ANKRD12: variants seen among roughly 807,000 people sequenced by gnomAD.
ANKRD12 encodes the protein ankyrin repeat domain 12.
ANKRD12 carries 85 observed loss-of-function variants against 183.4 expected under a neutral mutation model. The observed-to-expected ratio is 0.46, with a 90% CI of 0.39 to 0.56. ANKRD12 has a LOEUF of 0.56. ANKRD12 is among the 20% of genes least tolerant of loss of function. ANKRD12 has a pLI of 0.00. For synonymous variants in ANKRD12, 914 were observed against 800.2 expected, an observed-to-expected ratio of 1.14 and a Z score of -2.40; for missense variants, 2,405 against 2,357.1, an observed-to-expected ratio of 1.02 and a Z score of -0.42.
chr18:9,147,646 G>A (rs1245142326), intron 1 of ANKRD12, among the ~76,000 whole-genome samples: 1 of 152,116 alleles, frequency 6.6e-6, no homozygotes, highest in African/African-American at 2.4e-5. Context: ...AGAGCAGTGT[G>A]ACTAGAGGAG....
chr18:9,169,528 T>G (rs1231632061), intron 1 of ANKRD12, among the ~76,000 whole-genome samples: 1 of 152,230 alleles, frequency 6.6e-6, no homozygotes, highest in African/African-American at 2.4e-5. Context: ...GAGACTAGGA[T>G]TGCAACCCCT....
Position 9,246,651 on chromosome 18 carries a change from T to C in ANKRD12, c.944-7560T>C, listed in dbSNP as rs186543527. ...AAATAAGGGATTAGACTTTGGCCTT[T>C]TAAAATTGACGTATGTGCTTTATTG... On this transcript the variant is annotated intron_variant, in intron 8 of 12. Coordinates refer to ENST00000262126, the MANE Select transcript of ANKRD12 (RefSeq NM_015208.5). 2.6e-5 allele frequency among the ~76,000 whole-genome samples: 4 copies of C among 152,358 alleles called. No individual in the cohort carries two copies. In the East Asian group the frequency reaches 5.8e-4, roughly 22 times the overall value.
intron 1 of ANKRD12, among the ~76,000 whole-genome samples, chr18:9,168,820 A>C (rs2032367158): frequency 6.6e-6 from 1 of 151,452 alleles, no homozygotes; most frequent in Non-Finnish European, 1.5e-5. Flanking sequence ...TTAGGGTGTC[A>C]ATTTTAGATC....
chr18:9,249,417 A>G (rs1347735233), intron 8 of ANKRD12, among the ~76,000 whole-genome samples: 1 of 152,222 alleles, frequency 6.6e-6, no homozygotes, highest in African/African-American at 2.4e-5. Context: ...CTCATCTAGA[A>G]TACACAGAAT....
Position 9,177,511 on chromosome 18 carries a change from G to A in ANKRD12, c.-51-4871G>A, listed in dbSNP as rs118145581. Among the ~76,000 whole-genome samples, 49 of 152,280 alleles carry A rather than the reference G, an allele frequency of 3.2e-4. No individual in the cohort carries two copies. In the East Asian group the frequency reaches 9.1e-3, roughly 28 times the overall value. ...ATGTTTTGTTCTGTGCATAGAACAT[G>A]TAATGATCGAGTCAGATTATTTAGG... On this transcript the variant is annotated intron_variant, in intron 1 of 12. Coordinates refer to ENST00000262126, the MANE Select transcript of ANKRD12 (RefSeq NM_015208.5).
chr18:9,279,241 C>G (rs1339801633), intron 11 of ANKRD12, among the ~76,000 whole-genome samples: 1 of 152,114 alleles, frequency 6.6e-6, no homozygotes, highest in African/African-American at 2.4e-5. Context: ...ATTGGTTATA[C>G]AGTAATAATG....
chr18:9,173,652 C>G (rs886646513), intron 1 of ANKRD12, among the ~76,000 whole-genome samples: 2 of 151,182 alleles, frequency 1.3e-5, no homozygotes, highest in Admixed American at 6.6e-5. Flanking sequence ...TGACCTGTTG[C>G]CAGCCTGGAT....
At chr18:9,234,839 G>C (rs2037253469) in intron 8 of ANKRD12, among the ~76,000 whole-genome samples, 1 of 152,142 alleles carries the variant, frequency 6.6e-6, no homozygotes, top group African/African-American at 2.4e-5. Context: ...GGGTAGAGGA[G>C]CTCTCTTGTA....
At chr18:9,165,814 A>G (rs1012839242) in intron 1 of ANKRD12, among the ~76,000 whole-genome samples, 1 of 149,672 alleles carries the variant, frequency 6.7e-6, no homozygotes, top group African/African-American at 2.5e-5. Flanking sequence ...GGTGTGCTGC[A>G]TCCATTAACT....
intron 2 of ANKRD12, among the ~76,000 whole-genome samples, chr18:9,195,020 A>G (rs913852126): frequency 2.6e-5 from 4 of 152,334 alleles, no homozygotes; most frequent in South Asian, 4.1e-4. Context: ...GAATGAGATC[A>G]TGTTTTTTGC....
intron 1 of ANKRD12, among the ~76,000 whole-genome samples, chr18:9,178,239 G>C (rs1482314539): frequency 1.3e-5 from 2 of 151,978 alleles, no homozygotes; most frequent in East Asian, 3.9e-4. Flanking sequence ...TGCTAGAAGT[G>C]GTGTAGTTTT....
chr18:9,233,807 T>C (rs924786256), intron 8 of ANKRD12, among the ~76,000 whole-genome samples: 2 of 152,176 alleles, frequency 1.3e-5, no homozygotes, highest in Non-Finnish European at 2.9e-5. Context: ...GTGGTGGCAG[T>C]GGTGGGCTGA....
chr18:9,228,163 C>T (rs1462554263), intron 8 of ANKRD12, among the ~76,000 whole-genome samples: 1 of 152,102 alleles, frequency 6.6e-6, no homozygotes, highest in Non-Finnish European at 1.5e-5. Context: ...GATTTCATTC[C>T]TTTGTATGGC....
rs752492178 is a variant in ANKRD12, at chr18:9,256,588, G to A, written c.3321G>A (p.Lys1107=). The A allele has an allele frequency of 6.3e-7, 1 of 1,599,740 alleles. No individual in the cohort carries two copies. Among genetic ancestry groups the A allele is most frequent in the South Asian group, 1.2e-5 (1 of 86,898 alleles). Residue 1107 remains lysine, a synonymous_variant, in exon 9 of 13, where the codon AAG becomes AAA. Transcript: ENST00000262126. ...AGGAAAAAATTAAGCAAAAAGAAAA[G>A]GAACGGTTGAGAAACCGAAACTGTT... The part of the protein sequence containing the change: ...KHKEKIKQKE[K]ERLRNRNCLE...
chr18:9,200,378 A>G (rs563431524), intron 3 of ANKRD12: 2 of 152,314 alleles, frequency 1.3e-5, no homozygotes, highest in African/African-American at 4.8e-5. Flanking sequence ...GTGGAATATT[A>G]AGCCAATGTA....
chr18:9,147,432 A>G (rs975595716), intron 1 of ANKRD12, among the ~76,000 whole-genome samples: 1 of 152,084 alleles, frequency 6.6e-6, no homozygotes, highest in Non-Finnish European at 1.5e-5. Context: ...GGGGCTGCAG[A>G]GGGGGCAAAA....
At chr18:9,278,422 T>C (rs1336829722) in intron 11 of ANKRD12, among the ~76,000 whole-genome samples, 1 of 152,210 alleles carries the variant, frequency 6.6e-6, no homozygotes, top group Non-Finnish European at 1.5e-5. Context: ...AATAAACTTG[T>C]AATACTTAAG....
At chr18:9,191,155 G>A (rs2034431419) in intron 2 of ANKRD12, among the ~76,000 whole-genome samples, 1 of 152,076 alleles carries the variant, frequency 6.6e-6, no homozygotes, top group African/African-American at 2.4e-5. Flanking sequence ...CCAGTTATTG[G>A]GAAAATAATG....
At chr18:9,239,889 T>C (rs1281610134) in intron 8 of ANKRD12, among the ~76,000 whole-genome samples, 1 of 152,202 alleles carries the variant, frequency 6.6e-6, no homozygotes, top group Non-Finnish European at 1.5e-5. Flanking sequence ...ATTCTAAATG[T>C]GGTTTATTCA....
Sources: allele counts gnomAD v4.1 joint callset (sites outside exome capture counted in the v4.1 genomes callset), GRCh38; gene constraint gnomAD v4.1.1; transcripts MANE v1.5; gene names NCBI Gene and HGNC (gene_info 2026-07-23, HGNC 2026-07-21).